The following CACNA1A variants were observed in gnomAD, a reference collection of about 807,000 sequenced individuals.
The protein encoded by CACNA1A is voltage-dependent P/Q-type calcium channel subunit alpha-1A.
CACNA1A carries 57 observed loss-of-function variants against 262.4 expected under a neutral mutation model. That is an observed-to-expected ratio of 0.22 (90% CI 0.18 to 0.27). CACNA1A has a LOEUF of 0.27. Among genes scored for constraint, CACNA1A ranks in the 10% least tolerant of loss-of-function variants. The probability of loss-of-function intolerance (pLI) is 1.00; values close to 1 mark genes in which losing one functional copy is unlikely to be tolerated. For synonymous variants in CACNA1A, 1,431 were observed against 1,419.3 expected (o/e 1.01, Z -0.18); for missense variants, 2,526 against 3,562.8 (o/e 0.71, Z 7.41).
intron 10 of CACNA1A, among the ~76,000 whole-genome samples, chr19:13,327,453 G>A (rs779192617): frequency 6.6e-6 from 1 of 150,768 alleles, no homozygotes; most frequent in South Asian, 2.1e-4. Flanking sequence ...CAGAGGCGGA[G>A]GCTGCAGTGA....
rs16054 is a variant in CACNA1A at position 13,207,858 on chromosome 19, C to CCTGCTGCTGCTGCTGCTG, written c.6958_6975dup (p.Gln2320_Gln2325dup). 99 of 1,431,836 alleles carry CCTGCTGCTGCTGCTGCTG rather than the reference C, an allele frequency of 6.9e-5. No individual in the cohort carries two copies. The East Asian group carries it at 1.4e-3, about 21-fold the overall frequency. The allele number at this position is 1,431,836 out of a possible 1,614,324, so 88.7% of individuals were successfully genotyped here. ...GCCGCCCGGCCCGGCCTGGCCACCGCCTGCTGCTGCTGCTGCTGCTGCTGC... is the reference window on the plus strand; with the variant it reads ...GCCGCCCGGCCCGGCCTGGCCACCGCCTGCTGCTGCTGCTGCTGCTGCTGCTGCTGCTGCTGCTGCTGC... On this transcript the variant is annotated inframe_insertion, in exon 47 of 47. Transcript: ENST00000360228. This position sits in a 1 kb window ranked among gnomAD's most constrained non-coding sequence, Gnocchi z 5.7.
chr19:13,335,756 G>C (rs1460110262), intron 7 of CACNA1A, 50 bp downstream of exon 7: 2 of 1,188,294 alleles, frequency 1.7e-6, no homozygotes, highest in South Asian at 2.6e-5. Flanking sequence ...TTGGAAAGAA[G>C]TTAGCAAAGA....
At chr19:13,354,869 CTTTTTTTTTT>C (rs56350383) in intron 6 of CACNA1A, among the ~76,000 whole-genome samples, 36,123 of 115,816 alleles carry the variant, frequency 0.31, 4,910 homozygotes, top group Admixed American at 0.36. Context: ...TTTTCTTTTT[CTTTTTTTTTT>C]TTTTTTTTTT....
Position 13,298,670 on chromosome 19 carries a change from C to A in CACNA1A, c.2963G>T (p.Gly988Val). 6.7e-7 allele frequency: 1 copy of A among 1,485,094 alleles called. No homozygotes were observed. The highest frequency in any genetic ancestry group is 1.3e-5 in the South Asian group (1 of 76,872). The allele number at this position is 1,485,094 out of a possible 1,614,324, so 92.0% of individuals were successfully genotyped here. The change falls in exon 19 of 47, where the codon GGC (glycine) becomes GTC (valine). Residue 988 changes from glycine to valine, a missense_variant. Physicochemically the swap from Gly to Val is moderately radical, Grantham distance 109 (BLOSUM62 -3). Coordinates refer to ENST00000360228, the MANE Select transcript of CACNA1A (RefSeq NM_001127222.2). ...GGGGCCCTCGCCCTCGCCCTCGCCG[C>A]CCCGGGCCGGCCGGCTGCCCTCGCG... ...RHREGSRPARGGEGEGEGPDG... is the reference protein window; with the variant it reads ...RHREGSRPARVGEGEGEGPDG...
At position 13,503,325 on chromosome 19, in the gene CACNA1A, A is replaced by G. The variant is rs1982611420; in HGVS notation, c.293+2607T>C. 3.9e-5 allele frequency among the ~76,000 whole-genome samples: 6 copies of G among 152,100 alleles called. 1 individual carries two copies. In the South Asian group the frequency reaches 1.2e-3, roughly 32 times the overall value. On this transcript the variant is annotated intron_variant, in intron 1 of 46. Transcript: ENST00000360228. The stretch of plus-strand genomic sequence containing the variant: ...GGGGAGGGGGACTTCCAGGGCACTG[A>G]TCGGGACCTGGGTGCTGGATACGTG...
intron 1 of CACNA1A, among the ~76,000 whole-genome samples, chr19:13,465,330 C>A (rs1010143731): frequency 6.6e-6 from 1 of 152,186 alleles, no homozygotes; most frequent in Non-Finnish European, 1.5e-5. Context: ...GAACATACTG[C>A]AGTGCATGCA....
In CACNA1A at chr19:13,376,722, A is replaced by G. The variant is rs1271156346; in HGVS notation, c.540-4943T>C. On this transcript the variant is annotated intron_variant, in intron 3 of 46. Coordinates refer to ENST00000360228, the MANE Select transcript of CACNA1A (RefSeq NM_001127222.2). Reference sequence around the variant, plus strand: ...TTACATATGATACACTACACATAATATATGTTATATATGATATATATAACA... The same window carrying G: ...TTACATATGATACACTACACATAATGTATGTTATATATGATATATATAACA... Among the ~76,000 whole-genome samples the G allele has an allele frequency of 2.0e-5, 3 of 147,900 alleles. No individual in the cohort carries two copies. The East Asian group carries it at 5.9e-4, about 29-fold the overall frequency.
chr19:13,442,127 C>T (rs1186251917), intron 3 of CACNA1A, among the ~76,000 whole-genome samples: 1 of 152,096 alleles, frequency 6.6e-6, no homozygotes, highest in Non-Finnish European at 1.5e-5. Context: ...TGAGTTAGCG[C>T]CGAGTAGACC....
At chr19:13,413,889 G>GA (rs202209692) in intron 3 of CACNA1A, among the ~76,000 whole-genome samples, 5,154 of 93,290 alleles carry the variant, frequency 0.055, 481 homozygotes, top group East Asian at 0.16. Flanking sequence ...AAGAAAGAAA[G>GA]AAAGAAAAAG....
At chr19:13,231,074 G>A (rs2144626723) in intron 35 of CACNA1A, among the ~76,000 whole-genome samples, 1 of 151,936 alleles carries the variant, frequency 6.6e-6, no homozygotes, top group South Asian at 2.1e-4. Flanking sequence ...TGTGATCATG[G>A]CTCACTGCAG....
At chr19:13,477,184 G>T (rs1242284508) in intron 1 of CACNA1A, among the ~76,000 whole-genome samples, 2 of 152,198 alleles carry the variant, frequency 1.3e-5, no homozygotes, top group East Asian at 3.9e-4. Flanking sequence ...TCTTTCTCTA[G>T]ACATCCTCAC....
At chr19:13,380,512 C>A (rs1322555635) in intron 3 of CACNA1A, among the ~76,000 whole-genome samples, 2 of 149,134 alleles carry the variant, frequency 1.3e-5, no homozygotes. Flanking sequence ...CTGGGCGTGG[C>A]GGTGGGCATC....
chr19:13,329,486 C>A (rs200144793), intron 10 of CACNA1A, among the ~76,000 whole-genome samples: 1 of 123,860 alleles, frequency 8.1e-6, no homozygotes, highest in Non-Finnish European at 1.7e-5. Flanking sequence ...TGGTTTGTGT[C>A]TTTTTTTTTT....
At chr19:13,487,363 T>C (rs564251384) in intron 1 of CACNA1A, among the ~76,000 whole-genome samples, 10 of 152,212 alleles carry the variant, frequency 6.6e-5, no homozygotes, top group African/African-American at 2.4e-4. Flanking sequence ...TGCAGGGAGC[T>C]GGGCTTTCAC....
chr19:13,343,867 G>T (rs2058715593), intron 6 of CACNA1A, among the ~76,000 whole-genome samples: 1 of 152,078 alleles, frequency 6.6e-6, no homozygotes, highest in South Asian at 2.1e-4. Flanking sequence ...CTTAGCTAAA[G>T]GGCCAAGAAG....
intron 44 of CACNA1A, 56 bp from the exon 45 acceptor site, chr19:13,209,554 C>A (rs867528027): frequency 9.8e-6 from 12 of 1,225,956 alleles, no homozygotes; most frequent in Non-Finnish European, 1.1e-5. Context: ...CAAGTGGTCC[C>A]GGTCCTTCCT....
intron 24 of CACNA1A, among the ~76,000 whole-genome samples, chr19:13,265,994 GCC>G (rs949456253): frequency 6.6e-6 from 1 of 151,990 alleles, no homozygotes; most frequent in Non-Finnish European, 1.5e-5. Context: ...ACAGGCATGT[GCC>G]ATCACGTCCG....
chr19:13,319,466 T>C (rs1357440818), intron 10 of CACNA1A, among the ~76,000 whole-genome samples: 1 of 152,198 alleles, frequency 6.6e-6, no homozygotes, highest in Non-Finnish European at 1.5e-5. Flanking sequence ...TGTTTCTCCA[T>C]TCATTCCTCC....
At chr19:13,483,165 C>G (rs1294413931) in intron 1 of CACNA1A, among the ~76,000 whole-genome samples, 1 of 152,114 alleles carries the variant, frequency 6.6e-6, no homozygotes, top group Middle Eastern at 3.2e-3. Flanking sequence ...AGCCTTCATA[C>G]TCTTTTCCTA....
Sources: gnomAD v4.1 joint callset for allele counts (sites outside exome capture counted in the v4.1 genomes callset) on GRCh38, gnomAD v4.1.1 for gene constraint, Gnocchi (gnomAD v3.1) non-coding constraint, MANE v1.5 for transcripts, NCBI Gene and HGNC (gene_info 2026-07-23, HGNC 2026-07-21) for gene names.